The following CR1L variants were observed in gnomAD, a reference collection of about 807,000 sequenced individuals.
The protein encoded by CR1L is complement C3b/C4b receptor 1 like, also known as complement component receptor 1-like protein.
In CR1L, 59 loss-of-function variants were observed where a neutral mutation model predicts 62.3. The observed-to-expected ratio is 0.95, with a 90% confidence interval of 0.77 to 1.18. CR1L has a LOEUF of 1.18. Among genes scored for constraint, CR1L ranks in the 50% most tolerant of loss-of-function variants. CR1L has a pLI of 0.00. For missense variants in CR1L, 700 were observed against 702.8 expected, an observed-to-expected ratio of 1.00 and a Z score of 0.04; for synonymous variants, 279 against 248.7, an observed-to-expected ratio of 1.12 and a Z score of -1.15.
intron 8 of CR1L, among the ~76,000 whole-genome samples, chr1:207,699,737 T>C (rs1166325524): frequency 1.3e-5 from 2 of 152,218 alleles, no homozygotes; most frequent in South Asian, 4.1e-4. Flanking sequence ...TGCCTTTATT[T>C]AATCAATTAT....
intron 1 of CR1L, chr1:207,655,238 A>G: frequency 2.8e-6 from 2 of 713,194 alleles, no homozygotes; most frequent in Non-Finnish European, 4.8e-6. Flanking sequence ...TTAAAGGATC[A>G]GTAGCAGTTT....
chr1:207,710,503 G>T (rs1664337294), intron 10 of CR1L: 1 of 1,607,782 alleles, frequency 6.2e-7, no homozygotes, highest in African/African-American at 1.3e-5. Context: ...GAGGGAGAAA[G>T]GTGTTTGAGC....
intron 4 of CR1L, among the ~76,000 whole-genome samples, chr1:207,688,649 A>G (rs11577935): frequency 0.038 from 5,837 of 152,198 alleles, 179 homozygotes; most frequent in South Asian, 0.12. Context: ...GTTTCTATTG[A>G]CTTAGTACAT....
At chr1:207,645,751 G>A (rs1441181530) in intron 1 of CR1L, among the ~76,000 whole-genome samples, 1 of 152,118 alleles carries the variant, frequency 6.6e-6, no homozygotes, top group Non-Finnish European at 1.5e-5. Flanking sequence ...TTGGTGCCTT[G>A]GTGAGTAGGG....
chr1:207,708,895 A>T, intron 10 of CR1L: 1 of 399,962 alleles, frequency 2.5e-6, no homozygotes, highest in East Asian at 7.1e-5. Flanking sequence ...CTGGCTGGGC[A>T]CTGCCCTACA....
At chr1:207,715,511 T>A (rs1269758126) in intron 10 of CR1L, 3 of 567,534 alleles carry the variant, frequency 5.3e-6, no homozygotes, top group Non-Finnish European at 9.1e-6. Flanking sequence ...CTGATTAAAA[T>A]ACTTCTCTGT....
At chr1:207,709,502 G>A (rs1251467253) in intron 10 of CR1L, among the ~76,000 whole-genome samples, 2 of 152,060 alleles carry the variant, frequency 1.3e-5, no homozygotes, top group Non-Finnish European at 1.5e-5. Flanking sequence ...ATAATGGTGA[G>A]ATAACATAGT....
intron 3 of CR1L, among the ~76,000 whole-genome samples, chr1:207,683,329 G>A (rs1487306193): frequency 6.6e-6 from 1 of 151,964 alleles, no homozygotes; most frequent in African/African-American, 2.4e-5. Flanking sequence ...TTGAGACAGG[G>A]TCTCACTATG....
intron 1 of CR1L, among the ~76,000 whole-genome samples, chr1:207,671,662 C>T (rs1347964330): frequency 6.6e-6 from 1 of 150,932 alleles, no homozygotes; most frequent in Non-Finnish European, 1.5e-5. Flanking sequence ...CGCAGTGGCT[C>T]ACACCTATAA....
chr1:207,660,819 T>C (rs1663407691), intron 1 of CR1L, among the ~76,000 whole-genome samples: 1 of 152,244 alleles, frequency 6.6e-6, no homozygotes, highest in Non-Finnish European at 1.5e-5. Flanking sequence ...GCTTTAAATG[T>C]GTCCCAGAGA....
intron 10 of CR1L, chr1:207,709,378 C>T (rs1201241982): frequency 6.5e-6 from 1 of 153,358 alleles, no homozygotes; most frequent in Non-Finnish European, 1.4e-5. Context: ...TGCACTCCAG[C>T]CTGGGCAGCA....
At chr1:207,654,714 C>A (rs1191534282) in intron 1 of CR1L, among the ~76,000 whole-genome samples, 2 of 152,192 alleles carry the variant, frequency 1.3e-5, no homozygotes, top group Non-Finnish European at 2.9e-5. Flanking sequence ...ACCCCACGAG[C>A]TATGTACTGT....
At chr1:207,689,630 G>A (rs1490269038) in intron 4 of CR1L, among the ~76,000 whole-genome samples, 1 of 151,948 alleles carries the variant, frequency 6.6e-6, no homozygotes, top group African/African-American at 2.4e-5. Flanking sequence ...CTAGTAAAAT[G>A]TGTTAAAAAT....
intron 1 of CR1L, chr1:207,657,143 C>G (rs1329132170): frequency 1.2e-6 from 1 of 842,128 alleles, no homozygotes; most frequent in Non-Finnish European, 2.1e-6. Context: ...CACATGACCT[C>G]CAAAAATAAA....
intron 7 of CR1L, among the ~76,000 whole-genome samples, chr1:207,698,556 G>A (rs567414234): frequency 9.8e-5 from 15 of 152,334 alleles, no homozygotes; most frequent in East Asian, 9.6e-4. Context: ...ATGTAACACA[G>A]AATCTTGGCA....
intron 9 of CR1L, among the ~76,000 whole-genome samples, chr1:207,707,785 TACAC>T (rs10523807): frequency 3.4e-4 from 43 of 126,804 alleles, no homozygotes; most frequent in Middle Eastern, 4.0e-3. Flanking sequence ...GGCATAGTAT[TACAC>T]ACACACACAC....
intron 10 of CR1L, among the ~76,000 whole-genome samples, chr1:207,713,633 G>T (rs1221427773): frequency 1.3e-5 from 2 of 152,222 alleles, no homozygotes; most frequent in Admixed American, 1.3e-4. Flanking sequence ...GTGAGCAAGT[G>T]GGGGTTCCAG....
chr1:207,703,947 T>G (rs943020331), intron 9 of CR1L, among the ~76,000 whole-genome samples: 1 of 148,320 alleles, frequency 6.7e-6, no homozygotes, highest in Non-Finnish European at 1.5e-5. Flanking sequence ...GAGGGAGACT[T>G]CAACTCAAAA....
At chr1:207,695,525 C>A (rs1297626537) in intron 5 of CR1L, among the ~76,000 whole-genome samples, 8 of 152,166 alleles carry the variant, frequency 5.3e-5, no homozygotes. Context: ...GTCCACCCGA[C>A]TCCAGAGACT....
Sources: gnomAD v4.1 joint callset for allele counts (sites outside exome capture counted in the v4.1 genomes callset) on GRCh38, gnomAD v4.1.1 for gene constraint, MANE v1.5 for transcripts, NCBI Gene and HGNC (gene_info 2026-07-23, HGNC 2026-07-21) for gene names.